Variants in CNOT6 observed in about 807,000 individuals in gnomAD.
CNOT6 encodes carbon catabolite repression 4 protein.
Under a neutral mutation model 61.2 loss-of-function variants are expected in CNOT6, and 12 were observed. That is an observed-to-expected ratio of 0.20 (90% CI 0.13 to 0.32). The LOEUF (loss-of-function observed/expected upper bound fraction) is 0.32. Ranked by LOEUF, CNOT6 falls within the 10% of genes least tolerant of loss-of-function variation. CNOT6 has a pLI of 1.00. For synonymous variants in CNOT6, 225 were observed against 240.6 expected (o/e 0.94, Z 0.60); for missense variants, 405 against 663.9 (o/e 0.61, Z 4.28).
At chr5:180,570,435 A>T (rs1023814045) in intron 10 of CNOT6, among the ~76,000 whole-genome samples, 3 of 152,220 alleles carry the variant, frequency 2.0e-5, no homozygotes, top group African/African-American at 7.2e-5. Context: ...AAGCTATCTG[A>T]AATCTGTAAT....
rs544422194 is a variant in CNOT6 at position 180,516,615 on chromosome 5, C to T, written c.-2-12660C>T. ...CTGAGAGGCTTTTAACAAAAAACCA[C>T]ATTTTTATACCTGGTCAGAGTAACA... On this transcript the variant is annotated intron_variant, in intron 1 of 11. Transcript: ENST00000261951. Among the ~76,000 whole-genome samples, 11 of 152,340 alleles carry T rather than the reference C, an allele frequency of 7.2e-5. No homozygotes were observed. In the East Asian group the frequency reaches 1.9e-3, roughly 27 times the overall value.
chr5:180,527,938 TC>T (rs1470160461), intron 1 of CNOT6, among the ~76,000 whole-genome samples: 1 of 152,138 alleles, frequency 6.6e-6, no homozygotes, highest in East Asian at 1.9e-4. Flanking sequence ...GGCTGTGCGT[TC>T]CTTATGATGC....
In CNOT6 at chr5:180,575,992, T is replaced by G. The variant is rs1479087222; in HGVS notation, c.*1792T>G. Reference sequence around the variant, plus strand: ...CCTTTGAGGGTTTTTTGTTTTTTGTTTTTTCTAGGATTTCATTGTGATGTT... The same window carrying G: ...CCTTTGAGGGTTTTTTGTTTTTTGTGTTTTCTAGGATTTCATTGTGATGTT... On this transcript the variant is annotated 3_prime_UTR_variant, in exon 12 of 12. Coordinates refer to ENST00000261951, the MANE Select transcript of CNOT6 (RefSeq NM_001370472.1). 1.3e-5 allele frequency: 2 copies of G among 152,576 alleles called. No homozygotes were observed. Among genetic ancestry groups the G allele is most frequent in the Admixed American group, 1.3e-4 (2 of 15,278 alleles). The allele number at this position is 152,576 out of a possible 1,614,324, so 9.5% of individuals were successfully genotyped here.
intron 2 of CNOT6, among the ~76,000 whole-genome samples, chr5:180,546,136 C>T (rs1759302490): frequency 6.6e-6 from 1 of 152,036 alleles, no homozygotes; most frequent in Admixed American, 6.6e-5. Context: ...CCTCATGATC[C>T]ACCCGCCTCG....
chr5:180,504,585 T>C (rs1007820215), intron 1 of CNOT6, among the ~76,000 whole-genome samples: 2 of 152,214 alleles, frequency 1.3e-5, no homozygotes, highest in Admixed American at 1.3e-4. Flanking sequence ...ATTAAGGTGC[T>C]GAAGTGATAA....
intron 4 of CNOT6, among the ~76,000 whole-genome samples, chr5:180,564,084 T>G (rs1479919616): frequency 5.3e-5 from 8 of 152,212 alleles, no homozygotes; most frequent in Non-Finnish European, 2.9e-5. Context: ...AGAGTTTTGA[T>G]TCTCTGATGC....
chr5:180,540,189 T>TA (rs1758961717), intron 2 of CNOT6, among the ~76,000 whole-genome samples: 1 of 152,204 alleles, frequency 6.6e-6, no homozygotes, highest in African/African-American at 2.4e-5. Context: ...ATTTTAGACT[T>TA]ACTGTGGACA....
At chr5:180,517,578 T>C (rs765576855) in intron 1 of CNOT6, among the ~76,000 whole-genome samples, 3 of 152,058 alleles carry the variant, frequency 2.0e-5, no homozygotes, top group Non-Finnish European at 4.4e-5. Flanking sequence ...ACAGTCTCTC[T>C]CTTTTGCCAG....
At chr5:180,530,694 C>T (rs1464854353) in intron 2 of CNOT6, among the ~76,000 whole-genome samples, 4 of 151,960 alleles carry the variant, frequency 2.6e-5, no homozygotes, top group Admixed American at 6.6e-5. Context: ...CTCTGGTTTT[C>T]CTAGGCAGAG....
At chr5:180,499,439 G>C (rs894283449) in intron 1 of CNOT6, among the ~76,000 whole-genome samples, 3 of 152,142 alleles carry the variant, frequency 2.0e-5, no homozygotes, top group Admixed American at 6.5e-5. Context: ...GTGAAATTTT[G>C]GGGGGAAGGC....
intron 1 of CNOT6, among the ~76,000 whole-genome samples, chr5:180,527,765 C>T (rs989369428): frequency 6.6e-6 from 1 of 152,174 alleles, no homozygotes; most frequent in Admixed American, 6.5e-5. Flanking sequence ...GTTCTCAACC[C>T]TGGTACTCGT....
chr5:180,509,583 A>AT lies in CNOT6; in HGVS notation c.-3+14836dup, dbSNP rs756885836. On this transcript the variant is annotated intron_variant, in intron 1 of 11. Transcript: ENST00000261951. ...AGGCATGCGCCACCACACCTGGCTAATTTTTTTTTTTTTTTTGTATTTAGT... is the reference window on the plus strand; with the variant it reads ...AGGCATGCGCCACCACACCTGGCTAATTTTTTTTTTTTTTTTTGTATTTAGT... Among the ~76,000 whole-genome samples the AT allele has an allele frequency of 3.2e-3, 453 of 139,852 alleles. 1 individual carries two copies. Among genetic ancestry groups the AT allele is most frequent in the Admixed American group, 5.2e-3 (73 of 13,932 alleles). The allele number at this position is 139,852 out of a possible 152,430, so 91.7% of individuals were successfully genotyped here. A position where few individuals can be genotyped will look rare whatever the true frequency, so the allele number is the denominator to read the frequency against.
chr5:180,515,065 G>A (rs1290600345), intron 1 of CNOT6, among the ~76,000 whole-genome samples: 1 of 152,140 alleles, frequency 6.6e-6, no homozygotes, highest in African/African-American at 2.4e-5. Context: ...CCTGTGAAGA[G>A]AAAGTAGGAG....
intron 2 of CNOT6, among the ~76,000 whole-genome samples, chr5:180,539,551 C>CTTTTTTTTTTTTTTTTTTTTTTTTTTTT (rs70973934): frequency 2.7e-5 from 1 of 37,066 alleles, no homozygotes; most frequent in African/African-American, 7.6e-5. Flanking sequence ...TTTTTCTGTT[C>CTTTTTTTTTTTTTTTTTTTTTTTTTTTT]TTTTTTTTTT....
rs1554105028 is a variant in CNOT6, at chr5:180,577,177, G to GTGTGTGTTTGTT, written c.*2984_*2985insTTGTTTGTGTGT. ...CATCTCCAGAAATGTGTGTGTGTGT[G>GTGTGTGTTTGTT]TGTGTGTGTGTGTGTGTGTTTAATA... On this transcript the variant is annotated 3_prime_UTR_variant, in exon 12 of 12. Coordinates refer to ENST00000261951, the MANE Select transcript of CNOT6 (RefSeq NM_001370472.1). The GTGTGTGTTTGTT allele has an allele frequency of 6.6e-6, 1 of 151,688 alleles. No homozygotes were observed. The highest frequency in any genetic ancestry group is 1.5e-5 in the Non-Finnish European group (1 of 67,900). The allele number at this position is 151,688 out of a possible 1,614,324, so 9.4% of individuals were successfully genotyped here. A position where few individuals can be genotyped will look rare whatever the true frequency, so the allele number is the denominator to read the frequency against.
intron 1 of CNOT6, among the ~76,000 whole-genome samples, chr5:180,505,861 T>C (rs1757114550): frequency 6.6e-6 from 1 of 152,184 alleles, no homozygotes; most frequent in Non-Finnish European, 1.5e-5. Context: ...TACTAGTTAA[T>C]TTTTAAGACT....
intron 1 of CNOT6, among the ~76,000 whole-genome samples, chr5:180,496,649 C>T (rs1756626584): frequency 1.3e-5 from 2 of 152,100 alleles, no homozygotes; most frequent in South Asian, 4.1e-4. Flanking sequence ...CCAGCAAAAC[C>T]CTGTCTCAGA....
rs748102877 is a variant in CNOT6, at chr5:180,549,928, C to A, written c.113-3C>A. ...TCCGTTCCTGTATTTTTTTCTCTTA[C>A]AGGAAAAGTAAGAAGCTTAAGCGCA... On this transcript the variant is annotated splice_polypyrimidine_tract_variant and splice_region_variant and intron_variant, in intron 2 of 11. Coordinates refer to ENST00000261951, the MANE Select transcript of CNOT6 (RefSeq NM_001370472.1). The A allele has an allele frequency of 1.9e-6, 3 of 1,592,260 alleles. No individual in the cohort carries two copies. The highest frequency in any genetic ancestry group is 1.4e-5 in the African/African-American group (1 of 73,798).
chr5:180,515,733 G>A (rs920256560), intron 1 of CNOT6, among the ~76,000 whole-genome samples: 4 of 152,032 alleles, frequency 2.6e-5, no homozygotes, highest in Middle Eastern at 6.8e-3. Context: ...TAAAAAAAAA[G>A]GGGGTCTTTC....
Sources: gnomAD v4.1 joint callset for allele counts (sites outside exome capture counted in the v4.1 genomes callset) on GRCh38, gnomAD v4.1.1 for gene constraint, MANE v1.5 for transcripts, NCBI Gene and HGNC (gene_info 2026-07-23, HGNC 2026-07-21) for gene names.